The following STK4 variants were observed in gnomAD, a reference collection of about 807,000 sequenced individuals.
The protein encoded by STK4 is serine/threonine-protein kinase 4.
A neutral mutation model predicts 64.9 loss-of-function variants in STK4; 30 were observed. The observed-to-expected ratio is 0.46, with a 90% CI of 0.35 to 0.63. The LOEUF is 0.63. Ranked by LOEUF, STK4 falls within the 20% of genes least tolerant of loss-of-function variation. The probability of loss-of-function intolerance (pLI) is 0.01; values close to 1 mark genes in which losing one functional copy is unlikely to be tolerated. For missense variants in STK4, 466 were observed against 598.5 expected (o/e 0.78, Z 2.31); for synonymous variants, 177 against 199.0 (o/e 0.89, Z 0.93).
intron 10 of STK4, among the ~76,000 whole-genome samples, chr20:45,071,546 C>A (rs1158529908): frequency 6.6e-6 from 1 of 152,092 alleles, no homozygotes; most frequent in African/African-American, 2.4e-5. Flanking sequence ...CTGAAGGTGG[C>A]TGAGATAAGG....
At chr20:44,980,274 A>G (rs1414786512) in intron 3 of STK4, among the ~76,000 whole-genome samples, 2 of 152,098 alleles carry the variant, frequency 1.3e-5, no homozygotes, top group African/African-American at 4.8e-5. Context: ...TTAATATTTA[A>G]TGTGTGTGTG....
intron 10 of STK4, among the ~76,000 whole-genome samples, chr20:45,035,060 A>G (rs2068506170): frequency 6.6e-6 from 1 of 152,180 alleles, no homozygotes; most frequent in Non-Finnish European, 1.5e-5. Context: ...AGTTTACATT[A>G]TATATGAGTG....
At chr20:44,997,401 T>C in intron 7 of STK4, 95 bp downstream of exon 7, 1 of 1,467,486 alleles carries the variant, frequency 6.8e-7, no homozygotes. Context: ...AGTAAAGAAG[T>C]ATAAGGCAGG....
In STK4 at chr20:44,995,102, A is replaced by G. The variant is rs778662421; in HGVS notation, c.538A>G (p.Lys180Glu). ...CTTTCTATTTTAGGATACCATGGCC[A>G]AGCGGAATACAGTGATAGGAACACC... ...VAGQLTDTMA[K>E]RNTVIGTPFW... The change falls in exon 6 of 11, where the codon AAG becomes GAG. Residue 180 changes from lysine to glutamate, a missense_variant. By Grantham distance (56) the Lys-to-Glu change is moderately conservative. This residue lies in a region of STK4 where 190 missense variants were observed against 289.7 expected (regional missense o/e 0.66). Transcript: ENST00000372806. 6.2e-7 allele frequency: 1 copy of G among 1,603,024 alleles called. No individual in the cohort carries two copies. The highest frequency in any genetic ancestry group is 8.5e-7 in the Non-Finnish European group (1 of 1,174,530).
At chr20:45,017,753 G>A (rs929157800) in intron 9 of STK4, among the ~76,000 whole-genome samples, 5 of 152,186 alleles carry the variant, frequency 3.3e-5, no homozygotes, top group African/African-American at 9.6e-5. Flanking sequence ...CTTTTTAGAT[G>A]TGCTGCCACT....
intron 9 of STK4, among the ~76,000 whole-genome samples, chr20:45,013,563 G>T (rs1698637715): frequency 6.6e-6 from 1 of 152,094 alleles, no homozygotes; most frequent in South Asian, 2.1e-4. Context: ...TTTAAAAACT[G>T]CTTATTTAAA....
In STK4 at chr20:44,997,271, C is replaced by G. The variant is rs143845252; in HGVS notation, c.796C>G (p.Pro266Ala). ...TGTGAAACAGTGTCTTGTAAAGAGC[C>G]CTGAGCAGAGGGCCACAGCCACTCA... ...DFVKQCLVKS[P>A]EQRATATQLL... Residue 266 changes from proline (P) to alanine (A), a missense_variant, in exon 7 of 11, where the codon CCT (proline) becomes GCT (alanine). Physicochemically the swap from Pro to Ala is conservative, Grantham distance 27. This residue lies in a region of STK4 where 276 missense variants were observed against 308.9 expected (regional missense o/e 0.89). Coordinates refer to ENST00000372806, the MANE Select transcript of STK4 (RefSeq NM_006282.5). 11 of 1,611,962 alleles carry G rather than the reference C, an allele frequency of 6.8e-6. No individual in the cohort carries two copies. Among genetic ancestry groups the G allele is most frequent in the African/African-American group, 1.3e-5 (1 of 74,810 alleles).
At chr20:45,009,193 A>C (rs923002658) in intron 9 of STK4, among the ~76,000 whole-genome samples, 1 of 152,216 alleles carries the variant, frequency 6.6e-6, no homozygotes, top group Non-Finnish European at 1.5e-5. Flanking sequence ...TCTTTAATCC[A>C]TCTTCACTTA....
chr20:45,013,125 A>C (rs1486682032), intron 9 of STK4, among the ~76,000 whole-genome samples: 2 of 151,854 alleles, frequency 1.3e-5, no homozygotes, highest in African/African-American at 4.8e-5. Flanking sequence ...TAAGACCTCC[A>C]ATACAGTGTT....
At chr20:45,022,985 A>G (rs2068275334) in intron 9 of STK4, among the ~76,000 whole-genome samples, 1 of 152,232 alleles carries the variant, frequency 6.6e-6, no homozygotes, top group Admixed American at 6.5e-5. Flanking sequence ...GTATTTCCTA[A>G]GAAAGAAGAT....
chr20:44,975,415 G>A (rs1663017006), intron 2 of STK4: 1 of 981,626 alleles, frequency 1.0e-6, no homozygotes. Flanking sequence ...AGGGAGGTAT[G>A]AAGAGTGTTC....
chr20:44,996,493 A>G (rs986225841), intron 6 of STK4, among the ~76,000 whole-genome samples: 2 of 152,184 alleles, frequency 1.3e-5, no homozygotes, highest in African/African-American at 4.8e-5. Flanking sequence ...AGAAGGAGTG[A>G]GGAGATTTAC....
Position 45,001,266 on chromosome 20 carries a change from A to G in STK4, c.1060A>G (p.Met354Val), listed in dbSNP as rs763320987. 5 of 1,614,114 alleles carry G rather than the reference A, an allele frequency of 3.1e-6. No homozygotes were observed. The highest frequency in any genetic ancestry group is 1.6e-4 in the Middle Eastern group (1 of 6,084). Reference sequence around the variant, plus strand: ...CACCATGACTGATGGAGCCAATACTATGATTGAGCACGATGACACGTTGCC... The same window carrying G: ...CACCATGACTGATGGAGCCAATACTGTGATTGAGCACGATGACACGTTGCC... ...ASTMTDGANT[M>V]IEHDDTLPSQ... The change falls in exon 9 of 11, where the codon ATG becomes GTG. Residue 354 changes from methionine (M) to valine (V), a missense_variant. Transcript: ENST00000372806.
At chr20:45,002,024 A>G (rs1227331894) in intron 9 of STK4, among the ~76,000 whole-genome samples, 1 of 152,184 alleles carries the variant, frequency 6.6e-6, no homozygotes, top group Non-Finnish European at 1.5e-5. Flanking sequence ...ATGATGTACA[A>G]ATTATCAACT....
chr20:45,075,208 C>A lies in STK4; in HGVS notation c.*32C>A. 1 of 1,608,244 alleles carries A rather than the reference C, an allele frequency of 6.2e-7. No homozygotes were observed. Among genetic ancestry groups the A allele is most frequent in the African/African-American group, 1.3e-5 (1 of 74,964 alleles). On this transcript the variant is annotated 3_prime_UTR_variant, in exon 11 of 11. Coordinates refer to ENST00000372806, the MANE Select transcript of STK4 (RefSeq NM_006282.5). ...CCAGGCTGTGAGGGCCCCAGCTCCA[C>A]CCAGGCTTTGGGTGAATTCTGGATG... is the stretch of plus-strand genomic sequence containing the variant.
intron 10 of STK4, among the ~76,000 whole-genome samples, chr20:45,069,056 C>T (rs1159388750): frequency 2.0e-5 from 3 of 152,198 alleles, no homozygotes; most frequent in Non-Finnish European, 4.4e-5. Flanking sequence ...AGACATCAGA[C>T]CTCATCAGAC....
At chr20:45,052,503 T>C (rs1024674552) in intron 10 of STK4, among the ~76,000 whole-genome samples, 2 of 152,220 alleles carry the variant, frequency 1.3e-5, no homozygotes, top group Non-Finnish European at 2.9e-5. Context: ...GATTTAATCA[T>C]CCTCTTTTTA....
chr20:45,033,546 C>T (rs1202317202), intron 10 of STK4, among the ~76,000 whole-genome samples: 1 of 151,962 alleles, frequency 6.6e-6, no homozygotes, highest in Non-Finnish European at 1.5e-5. Flanking sequence ...TTCTCCATTG[C>T]TTGTGTTCGT....
chr20:45,024,706 A>G (rs144522014), intron 9 of STK4, among the ~76,000 whole-genome samples: 123 of 152,312 alleles, frequency 8.1e-4, no homozygotes, highest in Non-Finnish European at 1.5e-3. Flanking sequence ...GCATCACCCA[A>G]ATCTTTCCAT....
Sources: allele counts gnomAD v4.1 joint callset (sites outside exome capture counted in the v4.1 genomes callset), GRCh38; gene constraint gnomAD v4.1.1; regional missense constraint gnomAD v4.1.1; transcripts MANE v1.5; gene names NCBI Gene and HGNC (gene_info 2026-07-23, HGNC 2026-07-21).